CNBD1: variants seen among roughly 807,000 people sequenced by gnomAD.
CNBD1 encodes cyclic nucleotide-binding domain-containing protein 1.
In CNBD1, 71 loss-of-function variants were observed where a neutral mutation model predicts 54.4. The observed-to-expected ratio is 1.30, with a 90% CI of 1.08 to 1.59. The LOEUF (loss-of-function observed/expected upper bound fraction) is 1.59, where lower values mean the gene tolerates loss of function less well. Among genes scored for constraint, CNBD1 ranks in the 40% most tolerant of loss-of-function variants. CNBD1 has a pLI of 0.00. For synonymous variants in CNBD1, 182 were observed against 170.7 expected (o/e 1.07, Z -0.51); for missense variants, 659 against 518.0 (o/e 1.27, Z -2.64).
At chr8:86,917,648 G>A (rs574345860) in intron 3 of CNBD1, among the ~76,000 whole-genome samples, 1 of 152,246 alleles carries the variant, frequency 6.6e-6, no homozygotes, top group East Asian at 1.9e-4. Flanking sequence ...AGTTAAGAGT[G>A]GATGCAGAAG....
chr8:87,409,718 G>A (rs574057396), intron 2 of CNBD1, among the ~76,000 whole-genome samples: 2 of 152,146 alleles, frequency 1.3e-5, no homozygotes, highest in African/African-American at 2.4e-5. Flanking sequence ...AGGGGCTTAA[G>A]AATTAAGCTA....
At chr8:87,295,362 T>A (rs547141238) in intron 8 of CNBD1, among the ~76,000 whole-genome samples, 1 of 152,080 alleles carries the variant, frequency 6.6e-6, no homozygotes, top group Non-Finnish European at 1.5e-5. Flanking sequence ...CTGATTTTAT[T>A]AATAATATGA....
At chr8:87,248,412 G>T (rs1284338260) in intron 6 of CNBD1, among the ~76,000 whole-genome samples, 1 of 152,206 alleles carries the variant, frequency 6.6e-6, no homozygotes, top group African/African-American at 2.4e-5. Flanking sequence ...TAGCAATGCA[G>T]TTAGCCACTA....
intron 8 of CNBD1, among the ~76,000 whole-genome samples, chr8:87,321,331 C>T (rs1316090516): frequency 6.6e-6 from 1 of 152,116 alleles, no homozygotes; most frequent in South Asian, 2.1e-4. Flanking sequence ...CATGTCCTTA[C>T]CAATTTGTAG....
rs184284354 is a variant in CNBD1, at chr8:87,273,018, C to T, written c.772-11660C>T. On this transcript the variant is annotated intron_variant, in intron 6 of 10. Coordinates refer to ENST00000518476, the MANE Select transcript of CNBD1 (RefSeq NM_173538.3). ...AGGGGCAATTCTACCAAATGATATG[C>T]TGAAATAATTATTTCCAGTGACTGA... 2.7e-4 allele frequency among the ~76,000 whole-genome samples: 41 copies of T among 151,860 alleles called. No individual in the cohort carries two copies. The East Asian group carries it at 6.8e-3, about 25-fold the overall frequency.
intron 2 of CNBD1, among the ~76,000 whole-genome samples, chr8:87,422,549 G>T (rs1208378249): frequency 1.3e-5 from 2 of 152,030 alleles, no homozygotes; most frequent in East Asian, 3.9e-4. Context: ...CCCATTGCTT[G>T]TTTTTCTCAG....
chr8:86,915,165 A>G (rs1186029403), intron 3 of CNBD1, among the ~76,000 whole-genome samples: 1 of 152,114 alleles, frequency 6.6e-6, no homozygotes, highest in Admixed American at 6.6e-5. Context: ...GGATGCAACC[A>G]TAGGAATGTG....
intron 4 of CNBD1, among the ~76,000 whole-genome samples, chr8:87,203,628 T>C (rs1414449765): frequency 1.3e-5 from 2 of 152,176 alleles, no homozygotes; most frequent in African/African-American, 2.4e-5. Flanking sequence ...ATACCCTTTT[T>C]CAACACATAT....
chr8:87,285,306 T>C (rs1808671586), intron 7 of CNBD1, among the ~76,000 whole-genome samples: 1 of 152,218 alleles, frequency 6.6e-6, no homozygotes, highest in African/African-American at 2.4e-5. Context: ...TAACAACTTA[T>C]TCTGATTCCC....
At chr8:87,422,577 T>A (rs1025068859) in intron 2 of CNBD1, among the ~76,000 whole-genome samples, 2 of 152,150 alleles carry the variant, frequency 1.3e-5, no homozygotes, top group African/African-American at 4.8e-5. Flanking sequence ...AAAGATCAGA[T>A]AGTTGCAGAT....
Position 87,098,336 on chromosome 8 carries a change from G to C in CNBD1, c.432-107657G>C, listed in dbSNP as rs1031881063. 7.0e-4 allele frequency among the ~76,000 whole-genome samples: 106 copies of C among 152,136 alleles called. 5 individuals are homozygous for C. Among genetic ancestry groups the C allele is most frequent in the Non-Finnish European group, 1.5e-5 (1 of 68,016 alleles). On this transcript the variant is annotated intron_variant, in intron 4 of 10. Transcript: ENST00000518476. Reference sequence around the variant, plus strand: ...TGTGCCAAATATTTTAAATAAAATAGTGAACAAAATAGAGAGGTAGCCCCA... The same window carrying C: ...TGTGCCAAATATTTTAAATAAAATACTGAACAAAATAGAGAGGTAGCCCCA...
intron 4 of CNBD1, among the ~76,000 whole-genome samples, chr8:87,150,331 A>G (rs950330970): frequency 1.3e-5 from 2 of 152,222 alleles, no homozygotes; most frequent in South Asian, 2.1e-4. Flanking sequence ...GTGAAGGTCT[A>G]TATGGCTTTT....
At chr8:87,346,769 A>G (rs1256702093) in intron 8 of CNBD1, among the ~76,000 whole-genome samples, 2 of 152,200 alleles carry the variant, frequency 1.3e-5, no homozygotes, top group African/African-American at 2.4e-5. Context: ...AGCTTGGGAT[A>G]AGGTTAATTC....
At chr8:87,315,165 A>T (rs964836226) in intron 8 of CNBD1, among the ~76,000 whole-genome samples, 2 of 152,100 alleles carry the variant, frequency 1.3e-5, no homozygotes, top group Non-Finnish European at 2.9e-5. Context: ...TAAAAATATT[A>T]TTTAAAGAGA....
At chr8:87,297,601 G>A (rs919690739) in intron 8 of CNBD1, among the ~76,000 whole-genome samples, 2 of 152,094 alleles carry the variant, frequency 1.3e-5, no homozygotes, top group African/African-American at 4.8e-5. Context: ...AGCTAAGAGA[G>A]TGAACCATGT....
chr8:86,890,306 T>G (rs546034583), intron 2 of CNBD1, among the ~76,000 whole-genome samples: 3 of 152,218 alleles, frequency 2.0e-5, no homozygotes, highest in Admixed American at 6.5e-5. Context: ...ACGACTTTCA[T>G]GTTTTCAGAT....
intron 4 of CNBD1, among the ~76,000 whole-genome samples, chr8:86,981,610 T>C (rs1808490874): frequency 6.6e-6 from 1 of 152,198 alleles, no homozygotes; most frequent in South Asian, 2.1e-4. Context: ...GCCCTTTTTG[T>C]CATCAGAGTT....
intron 8 of CNBD1, among the ~76,000 whole-genome samples, chr8:87,314,811 A>G (rs943530455): frequency 2.6e-5 from 4 of 152,042 alleles, no homozygotes; most frequent in African/African-American, 7.2e-5. Context: ...TCTAGAAAAA[A>G]GTTACCAAGT....
chr8:87,371,768 C>T (rs1373875012), intron 10 of CNBD1, among the ~76,000 whole-genome samples: 3 of 152,004 alleles, frequency 2.0e-5, no homozygotes, highest in Admixed American at 1.3e-4. Flanking sequence ...GCAGAAAAGG[C>T]CTTTGACAAA....
Sources: allele counts gnomAD v4.1 joint callset (sites outside exome capture counted in the v4.1 genomes callset), GRCh38; gene constraint gnomAD v4.1.1; transcripts MANE v1.5; gene names NCBI Gene and HGNC (gene_info 2026-07-23, HGNC 2026-07-21).